The following TSPAN4 variants were observed in gnomAD, a reference collection of about 807,000 sequenced individuals.
The protein encoded by TSPAN4 is tetraspanin-4.
In TSPAN4, 38 loss-of-function variants were observed where a neutral mutation model predicts 31.5. The observed-to-expected ratio is 1.21, with a 90% CI of 0.93 to 1.58. The LOEUF (loss-of-function observed/expected upper bound fraction) is 1.58, where lower values mean the gene tolerates loss of function less well. Ranked by LOEUF, TSPAN4 falls within the 40% of genes most tolerant of loss-of-function variation. The pLI is 0.00. For synonymous variants in TSPAN4, 186 were observed against 144.6 expected (o/e 1.29, Z -2.06); for missense variants, 330 against 317.3 (o/e 1.04, Z -0.30).
At chr11:866,346 T>A (rs1470025668) in intron 8 of TSPAN4, among the ~76,000 whole-genome samples, 1 of 151,520 alleles carries the variant, frequency 6.6e-6, no homozygotes, top group Non-Finnish European at 1.5e-5. Flanking sequence ...CTGGGTGTCC[T>A]CATGCCTGCA....
rs376756927 is a variant in TSPAN4, at chr11:849,442, T to C, written c.-17-846T>C. Among the ~76,000 whole-genome samples, 223 of 151,830 alleles carry C rather than the reference T, an allele frequency of 1.5e-3. 5 individuals carry two copies. In the East Asian group the frequency reaches 0.021, roughly 14 times the overall value. On this transcript the variant is annotated intron_variant, in intron 2 of 8. Coordinates refer to ENST00000397397, the MANE Select transcript of TSPAN4 (RefSeq NM_003271.5). ...CCCTCCATTTGCGTAGTGCTTTGAG[T>C]ATCGTTCTCGTGGTTGGAGGTCTCC...
chr11:847,160 T>G (rs1590222313), intron 1 of TSPAN4, 41 bp from the exon 2 acceptor site: 2 of 152,040 alleles, frequency 1.3e-5, no homozygotes, highest in African/African-American at 4.8e-5. Flanking sequence ...CAGCTGAGGG[T>G]GGAAGCCAGG....
At chr11:852,494 C>A (rs562711420) in intron 3 of TSPAN4, among the ~76,000 whole-genome samples, 1 of 152,348 alleles carries the variant, frequency 6.6e-6, no homozygotes, top group South Asian at 2.1e-4. Context: ...CTTGGCCCCC[C>A]CCAACCCTGG....
At chr11:862,516 C>T (rs757458408) in intron 3 of TSPAN4, 34 bp from the exon 4 acceptor site, 2 of 1,567,118 alleles carry the variant, frequency 1.3e-6, no homozygotes, top group Non-Finnish European at 1.7e-6. Flanking sequence ...TGGGGCCTCA[C>T]CCTGTCTGTG....
rs185289907 is a variant in TSPAN4 at position 852,270 on chromosome 11, C to T, written c.63+1903C>T. ...TCCCGAATTGCTGGGATTACAGGCG[C>T]GCATCACCACGCCTGTCTAATTTTT... is the stretch of plus-strand genomic sequence containing the variant. On this transcript the variant is annotated intron_variant, in intron 3 of 8. Transcript: ENST00000397397. Among the ~76,000 whole-genome samples the T allele has an allele frequency of 2.6e-3, 401 of 152,056 alleles. 6 individuals are homozygous for T. The highest frequency in any genetic ancestry group is 9.1e-3 in the African/African-American group (379 of 41,456).
intron 2 of TSPAN4, among the ~76,000 whole-genome samples, chr11:849,410 G>A (rs1847498703): frequency 6.6e-6 from 1 of 152,188 alleles, no homozygotes; most frequent in South Asian, 2.1e-4. Context: ...AGACAGCAAC[G>A]GGGTCACCCT....
At position 860,996 on chromosome 11, in the gene TSPAN4, C is replaced by T. The variant is rs185432237; in HGVS notation, c.64-1554C>T. 1.8e-3 allele frequency among the ~76,000 whole-genome samples: 271 copies of T among 152,224 alleles called. 2 individuals are homozygous for T. The highest frequency in any genetic ancestry group is 3.4e-3 in the Middle Eastern group (1 of 294). ...AGCATTTTCGGGGGACTGCTTGTCC[C>T]GTGCCCAGGCCTGGAACATATCTCC... On this transcript the variant is annotated intron_variant, in intron 3 of 8. Coordinates refer to ENST00000397397, the MANE Select transcript of TSPAN4 (RefSeq NM_003271.5).
intron 4 of TSPAN4, 117 bp downstream of exon 4, chr11:862,858 C>G: frequency 8.8e-7 from 1 of 1,142,766 alleles, no homozygotes; most frequent in Non-Finnish European, 1.2e-6. Flanking sequence ...CCTCTGGGGC[C>G]GGACCTCCAG....
intron 8 of TSPAN4, 40 bp downstream of exon 8, chr11:866,041 GTTA>G: frequency 6.2e-7 from 1 of 1,602,988 alleles, no homozygotes; most frequent in Admixed American, 1.7e-5. Context: ...CCCCCACTTT[GTTA>G]GGACCTTCTG....
chr11:858,044 C>G (rs2134030340), intron 3 of TSPAN4: 1 of 152,506 alleles, frequency 6.6e-6, no homozygotes, highest in Admixed American at 6.5e-5. Flanking sequence ...GATATGGGGA[C>G]AGCCCAGGGG....
intron 3 of TSPAN4, chr11:857,838 A>C (rs1263345901): frequency 6.6e-6 from 1 of 152,116 alleles, no homozygotes; most frequent in African/African-American, 2.4e-5. Flanking sequence ...GCCAGGATGT[A>C]CTCTGAGCTG....
At chr11:847,827 C>T (rs546805636) in intron 2 of TSPAN4, among the ~76,000 whole-genome samples, 54 of 152,230 alleles carry the variant, frequency 3.5e-4, no homozygotes, top group Non-Finnish European at 6.9e-4. Context: ...CTCCCACCCG[C>T]CTGGGACCCT....
rs1027095795 is a variant in TSPAN4 at position 842,859 on chromosome 11, C to T, written c.-174C>T. 1 of 195,956 alleles carries T rather than the reference C, an allele frequency of 5.1e-6. No individual in the cohort carries two copies. The highest frequency in any genetic ancestry group is 2.3e-5 in the African/African-American group (1 of 42,972). The allele number at this position is 195,956 out of a possible 1,614,324, so 12.1% of individuals were successfully genotyped here. On this transcript the variant is annotated 5_prime_UTR_variant, in exon 1 of 9. Coordinates refer to ENST00000397397, the MANE Select transcript of TSPAN4 (RefSeq NM_003271.5). ...CGGCGGTTCGCGTTTCTCGTGTCCG[C>T]TTGACTGACAGCTGCGCGGCGGGAG...
chr11:861,667 G>A (rs888725171), intron 3 of TSPAN4, among the ~76,000 whole-genome samples: 14 of 151,890 alleles, frequency 9.2e-5, no homozygotes, highest in East Asian at 7.7e-4. Context: ...AGCCGAGATC[G>A]CGCCACTGCA....
rs1467107120 is a variant in TSPAN4 at position 843,712 on chromosome 11, G to GTT, written c.-118+797_-118+798insTT. 648 of 152,892 alleles carry GTT rather than the reference G, an allele frequency of 4.2e-3. 3 individuals carry two copies. Among genetic ancestry groups the GTT allele is most frequent in the Non-Finnish European group, 5.2e-3 (362 of 69,510 alleles). The allele number at this position is 152,892 out of a possible 1,614,324, so 9.5% of individuals were successfully genotyped here. A position where few individuals can be genotyped will look rare whatever the true frequency, so the allele number is the denominator to read the frequency against. On this transcript the variant is annotated intron_variant, in intron 1 of 8. Transcript: ENST00000397397. ...CGGTGTGCAGTGAGAGGCAAAGAAG[G>GTT]CTCCTTGGAGGTGCGAGGTGGGCTG...
chr11:864,355 A>ACGTGGCC (rs1848643513), intron 4 of TSPAN4, 82 bp from the exon 5 acceptor site: 2 of 1,545,418 alleles, frequency 1.3e-6, no homozygotes, highest in Non-Finnish European at 8.9e-7. Context: ...TCCATGAGGT[A>ACGTGGCC]CGTGGCCCTG....
chr11:849,840 A>C (rs911824442), intron 2 of TSPAN4: 7 of 145,722 alleles, frequency 4.8e-5, no homozygotes, highest in African/African-American at 1.7e-4. Flanking sequence ...CGGGGGCCGC[A>C]GCGCGCGGGC....
chr11:851,847 G>C (rs1483979272), intron 3 of TSPAN4, among the ~76,000 whole-genome samples: 1 of 152,056 alleles, frequency 6.6e-6, no homozygotes, highest in Admixed American at 6.5e-5. Context: ...CCTGGGAGGG[G>C]AAGCCCTCTC....
At chr11:846,050 G>A (rs1338170223) in intron 1 of TSPAN4, among the ~76,000 whole-genome samples, 1 of 152,210 alleles carries the variant, frequency 6.6e-6, no homozygotes, top group Non-Finnish European at 1.5e-5. Flanking sequence ...GGCTGTTTGT[G>A]TTGGCGGGCC....
Sources: allele counts gnomAD v4.1 joint callset (sites outside exome capture counted in the v4.1 genomes callset), GRCh38; gene constraint gnomAD v4.1.1; transcripts MANE v1.5; gene names NCBI Gene and HGNC (gene_info 2026-07-23, HGNC 2026-07-21).